KCNQ5: variants seen among roughly 807,000 people sequenced by gnomAD.
KCNQ5 encodes the protein potassium voltage-gated channel subfamily Q member 5, also known as potassium voltage-gated channel subfamily KQT member 5.
Under a neutral mutation model 98.2 loss-of-function variants are expected in KCNQ5, and 30 were observed. The ratio of observed to expected loss-of-function variants is 0.31; its 90% CI spans 0.23 to 0.41. The LOEUF (loss-of-function observed/expected upper bound fraction) is 0.41, where lower values mean the gene tolerates loss of function less well. KCNQ5 is among the 10% of genes least tolerant of loss of function. The probability of loss-of-function intolerance (pLI) is 1.00; values close to 1 mark genes in which losing one functional copy is unlikely to be tolerated. For synonymous variants in KCNQ5, 458 were observed against 449.4 expected (o/e 1.02, Z -0.24); for missense variants, 835 against 1,182.5 (o/e 0.71, Z 4.31).
chr6:72,726,211 T>A lies in KCNQ5; in HGVS notation c.398+103624T>A, dbSNP rs1014481314. 2.3e-3 allele frequency among the ~76,000 whole-genome samples: 249 copies of A among 109,982 alleles called. 1 individual carries two copies. Among genetic ancestry groups the A allele is most frequent in the African/African-American group, 7.3e-3 (230 of 31,410 alleles). 72.2% of individuals were successfully genotyped at this position (109,982 alleles called of 152,430 possible). A position where few individuals can be genotyped will look rare whatever the true frequency, so the allele number is the denominator to read the frequency against. On this transcript the variant is annotated intron_variant, in intron 1 of 13. Transcript: ENST00000370398. ...AAAATCTGTTTTTTAAATTTAAATT[T>A]TTTTTTTTTTTTTTTTCGAGATGGA...
intron 5 of KCNQ5, among the ~76,000 whole-genome samples, chr6:73,093,138 T>G (rs1582341109): frequency 6.6e-6 from 1 of 152,070 alleles, no homozygotes; most frequent in Admixed American, 6.6e-5. Context: ...ACTAGGAGGG[T>G]TGTATTTTTC....
chr6:72,668,651 A>T (rs1390135048), intron 1 of KCNQ5, among the ~76,000 whole-genome samples: 2 of 152,040 alleles, frequency 1.3e-5, no homozygotes, highest in East Asian at 3.9e-4. Context: ...GGCTTAAACA[A>T]TGGAAACCTC....
At position 73,160,389 on chromosome 6, in the gene KCNQ5, A is replaced by G. The variant is rs187008853; in HGVS notation, c.1469-9357A>G. On this transcript the variant is annotated intron_variant, in intron 10 of 13. Transcript: ENST00000370398. ...TAAGCTGCTTGTGTTTAAAAGCAGT[A>G]GTGATTTCTTTAAAAGAGAAAGAGG... Among the ~76,000 whole-genome samples the G allele has an allele frequency of 1.2e-4, 18 of 152,282 alleles. 1 individual carries two copies. The East Asian group carries it at 3.1e-3, about 26-fold the overall frequency.
At chr6:73,188,423 A>T (rs950733932) in intron 11 of KCNQ5, among the ~76,000 whole-genome samples, 1 of 152,146 alleles carries the variant, frequency 6.6e-6, no homozygotes, top group Admixed American at 6.5e-5. Context: ...TATGAAGATG[A>T]TTTTCCTTTT....
At chr6:72,987,386 G>A (rs1256035316) in intron 1 of KCNQ5, 10 of 715,288 alleles carry the variant, frequency 1.4e-5, no homozygotes, top group African/African-American at 1.0e-4. Context: ...CAGGCAAAAC[G>A]GAAGCTTGTG....
intron 1 of KCNQ5, among the ~76,000 whole-genome samples, chr6:72,671,312 G>C (rs1248057705): frequency 6.6e-6 from 1 of 152,174 alleles, no homozygotes; most frequent in African/African-American, 2.4e-5. Context: ...GTTTCATGGG[G>C]AGTCTACAGT....
chr6:72,869,564 T>C (rs1778124027), intron 1 of KCNQ5, among the ~76,000 whole-genome samples: 1 of 152,218 alleles, frequency 6.6e-6, no homozygotes, highest in Non-Finnish European at 1.5e-5. Flanking sequence ...TCCTCGCTCA[T>C]CTTTGACAAG....
intron 1 of KCNQ5, among the ~76,000 whole-genome samples, chr6:72,838,337 A>C (rs1177048433): frequency 1.3e-5 from 2 of 152,216 alleles, no homozygotes; most frequent in Middle Eastern, 3.4e-3. Context: ...CTCCCTGAAA[A>C]AAATAATATT....
chr6:72,907,469 C>T (rs1195663003), intron 1 of KCNQ5, among the ~76,000 whole-genome samples: 4 of 152,122 alleles, frequency 2.6e-5, no homozygotes, highest in African/African-American at 9.6e-5. Context: ...GATACAAAGA[C>T]TTCACATTAT....
chr6:73,103,994 G>C (rs6904097), intron 5 of KCNQ5, among the ~76,000 whole-genome samples: 1 of 151,622 alleles, frequency 6.6e-6, no homozygotes, highest in Admixed American at 6.6e-5. Flanking sequence ...TACCTACTGT[G>C]TACCCACAAA....
At chr6:72,844,564 A>G (rs1056275192) in intron 1 of KCNQ5, among the ~76,000 whole-genome samples, 1 of 152,166 alleles carries the variant, frequency 6.6e-6, no homozygotes, top group Non-Finnish European at 1.5e-5. Context: ...ATTAATCTAA[A>G]CTTTTGTAAT....
intron 1 of KCNQ5, among the ~76,000 whole-genome samples, chr6:72,848,022 A>T (rs1438659664): frequency 6.6e-6 from 1 of 151,872 alleles, no homozygotes; most frequent in East Asian, 1.9e-4. Context: ...AAGCTAAAAA[A>T]AAAAACTCCC....
chr6:72,680,791 G>A (rs948835536), intron 1 of KCNQ5, among the ~76,000 whole-genome samples: 1 of 152,120 alleles, frequency 6.6e-6, no homozygotes, highest in Non-Finnish European at 1.5e-5. Flanking sequence ...AAATAACCAA[G>A]GTAGTGCTAT....
chr6:73,062,503 G>A (rs1042273781), intron 3 of KCNQ5, among the ~76,000 whole-genome samples: 14 of 151,964 alleles, frequency 9.2e-5, no homozygotes, highest in South Asian at 2.1e-4. Context: ...CATGAGAAGC[G>A]TCATCCCCCC....
intron 2 of KCNQ5, among the ~76,000 whole-genome samples, chr6:73,033,741 C>G (rs1033341261): frequency 6.6e-6 from 1 of 151,944 alleles, no homozygotes; most frequent in African/African-American, 2.4e-5. Flanking sequence ...TACCCACCCC[C>G]GAAGCATCTA....
chr6:72,928,811 A>C (rs1765557255), intron 1 of KCNQ5, among the ~76,000 whole-genome samples: 1 of 152,156 alleles, frequency 6.6e-6, no homozygotes, highest in Admixed American at 6.6e-5. Flanking sequence ...TATACCTAGC[A>C]CAGTTCTCTA....
intron 1 of KCNQ5, among the ~76,000 whole-genome samples, chr6:72,682,223 G>A (rs565984303): frequency 9.9e-5 from 15 of 152,018 alleles, no homozygotes; most frequent in Admixed American, 4.6e-4. Context: ...AACAAAAAAC[G>A]CTCTATATTG....
intron 1 of KCNQ5, among the ~76,000 whole-genome samples, chr6:72,694,511 CT>C (rs1364170619): frequency 2.0e-5 from 3 of 152,082 alleles, no homozygotes; most frequent in Non-Finnish European, 2.9e-5. Context: ...TAGTGTTGAC[CT>C]GGGCCCATAT....
At chr6:73,055,640 GC>G in intron 3 of KCNQ5, 1 of 1,172,022 alleles carries the variant, frequency 8.5e-7, no homozygotes, top group Non-Finnish European at 1.3e-6. Context: ...ACTGACTGCA[GC>G]CCATGGCAAC....
Sources: allele counts gnomAD v4.1 joint callset (sites outside exome capture counted in the v4.1 genomes callset), GRCh38; gene constraint gnomAD v4.1.1; transcripts MANE v1.5; gene names NCBI Gene and HGNC (gene_info 2026-07-23, HGNC 2026-07-21).